The following ENTPD6 variants were observed in gnomAD, a reference collection of about 807,000 sequenced individuals.
ENTPD6 encodes CD39 antigen-like 2.
Under a neutral mutation model 61.5 loss-of-function variants are expected in ENTPD6, and 46 were observed. That is an observed-to-expected ratio of 0.75 (90% CI 0.59 to 0.96). The LOEUF (loss-of-function observed/expected upper bound fraction) is 0.96, where lower values mean the gene tolerates loss of function less well. ENTPD6 is among the 40% of genes least tolerant of loss of function. ENTPD6 has a pLI of 0.00. For synonymous variants in ENTPD6, 252 were observed against 255.5 expected, an observed-to-expected ratio of 0.99 and a Z score of 0.13; for missense variants, 612 against 629.0, an observed-to-expected ratio of 0.97 and a Z score of 0.29.
At chr20:25,209,759 C>A in intron 3 of ENTPD6, 90 bp from the exon 4 acceptor site, 1 of 1,127,772 alleles carries the variant, frequency 8.9e-7, no homozygotes, top group Non-Finnish European at 1.3e-6. Flanking sequence ...GTGTTAGTGT[C>A]TGTCTTTAAA....
chr20:25,207,202 A>G lies in ENTPD6; in HGVS notation c.181A>G (p.Lys61Glu). The G allele has an allele frequency of 1.2e-6, 2 of 1,614,070 alleles. No homozygotes were observed. Among genetic ancestry groups the G allele is most frequent in the Non-Finnish European group, 1.7e-6 (2 of 1,180,000 alleles). Residue 61 changes from lysine (K) to glutamate (E), a missense_variant, in exon 3 of 15, where the codon AAG becomes GAG. Transcript: ENST00000376652. ...VGVFIYVAYI[K>E]WHRATATQAF... is the part of the protein sequence containing the mutation. ...CGTGTTCATCTATGTTGCCTACATC[A>G]AGTGGCACCGGGCCACCGCCACCCA...
Position 25,214,511 on chromosome 20 carries a change from A to T in ENTPD6, c.598-356A>T, listed in dbSNP as rs537589384. ...AGCCCCCAGAGCCCTTCTAAGCCCC[A>T]GCGGGCTTAGGACAGGGTCTCCAGG... On this transcript the variant is annotated intron_variant, in intron 5 of 14. Transcript: ENST00000376652. Among the ~76,000 whole-genome samples the T allele has an allele frequency of 2.6e-5, 4 of 152,264 alleles. No homozygotes were observed. In the East Asian group the frequency reaches 7.7e-4, roughly 29 times the overall value.
At chr20:25,217,774 A>G (rs1009940554) in intron 9 of ENTPD6, among the ~76,000 whole-genome samples, 193 bp downstream of exon 9, 10 of 148,666 alleles carry the variant, frequency 6.7e-5, no homozygotes, top group Admixed American at 2.7e-4. Context: ...TAATGTGTCT[A>G]CAGTATACGC....
intron 4 of ENTPD6, among the ~76,000 whole-genome samples, chr20:25,210,344 GAA>G (rs1302113100): frequency 6.7e-6 from 1 of 149,480 alleles, no homozygotes; most frequent in South Asian, 2.1e-4. Context: ...AACATTGACT[GAA>G]AAAAAAAAAT....
rs76877218 is a variant in ENTPD6 at position 25,200,987 on chromosome 20, A to G, written c.-16+5120A>G. Among the ~76,000 whole-genome samples, 28 of 152,282 alleles carry G rather than the reference A, an allele frequency of 1.8e-4. No individual in the cohort carries two copies. In the East Asian group the frequency reaches 2.3e-3, roughly 13 times the overall value. ...ATTGGCACTGTTTTTGCTGCATCCCATAAGTTTTGGAAGGTTGTGTTTTTG... is the reference window on the plus strand; with the variant it reads ...ATTGGCACTGTTTTTGCTGCATCCCGTAAGTTTTGGAAGGTTGTGTTTTTG... On this transcript the variant is annotated intron_variant, in intron 1 of 14. Coordinates refer to ENST00000376652, the MANE Select transcript of ENTPD6 (RefSeq NM_001247.5).
At position 25,218,625 on chromosome 20, in the gene ENTPD6, A is replaced by G. The variant is rs1280114191; in HGVS notation, c.943+11A>G. ...TGGAGGGGCAGCCTGGTGAGTGGAC[A>G]TGTTGCCCCGGGCCCACTTTCACAG... On this transcript the variant is annotated intron_variant, in intron 10 of 14. Coordinates refer to ENST00000376652, the MANE Select transcript of ENTPD6 (RefSeq NM_001247.5). 2 of 1,595,596 alleles carry G rather than the reference A, an allele frequency of 1.3e-6. No homozygotes were observed. Among genetic ancestry groups the G allele is most frequent in the Admixed American group, 1.7e-5 (1 of 58,252 alleles).
chr20:25,224,646 GA>G (rs140490605), intron 13 of ENTPD6: 2,198 of 157,376 alleles, frequency 0.014, 22 homozygotes, highest in Middle Eastern at 0.032. Flanking sequence ...TGGGTCCAAA[GA>G]GCTCAAATTT....
intron 12 of ENTPD6, among the ~76,000 whole-genome samples, chr20:25,223,513 A>G (rs1281971072): frequency 2.0e-5 from 3 of 152,108 alleles, no homozygotes; most frequent in Non-Finnish European, 4.4e-5. Flanking sequence ...ATCAGAATGT[A>G]TGGCCTGTGG....
intron 11 of ENTPD6, 100 bp from the exon 12 acceptor site, chr20:25,222,738 A>G: frequency 6.7e-7 from 1 of 1,497,976 alleles, no homozygotes; most frequent in Non-Finnish European, 9.0e-7. Flanking sequence ...TTTCCTGACA[A>G]TTCAGGTCAG....
intron 6 of ENTPD6, among the ~76,000 whole-genome samples, chr20:25,215,452 A>C (rs2092260751): frequency 6.6e-6 from 1 of 152,114 alleles, no homozygotes. Context: ...GCATTTGGTG[A>C]AGTACTTTAG....
chr20:25,208,926 A>T (rs539286036), intron 3 of ENTPD6, among the ~76,000 whole-genome samples: 37 of 151,340 alleles, frequency 2.4e-4, no homozygotes, highest in East Asian at 1.7e-3. Flanking sequence ...TTTTATTTTT[A>T]TTTTTTTTGA....
intron 4 of ENTPD6, among the ~76,000 whole-genome samples, chr20:25,210,917 G>A (rs1015927396): frequency 2.6e-5 from 4 of 152,186 alleles, no homozygotes; most frequent in African/African-American, 7.2e-5. Flanking sequence ...ACTCCAGCCT[G>A]GGGGACAGAG....
At chr20:25,213,118 GT>G in intron 4 of ENTPD6, 144 bp from the exon 5 acceptor site, 1 of 851,486 alleles carries the variant, frequency 1.2e-6, no homozygotes, top group East Asian at 2.6e-5. Context: ...CAAATGAGCT[GT>G]GATCAAGCCA....
At chr20:25,199,742 T>A (rs1327619082) in intron 1 of ENTPD6, among the ~76,000 whole-genome samples, 1 of 152,200 alleles carries the variant, frequency 6.6e-6, no homozygotes, top group Non-Finnish European at 1.5e-5. Flanking sequence ...TTTGTCTTTT[T>A]GTGACTGGCT....
At chr20:25,216,018 C>T (rs765613149) in intron 7 of ENTPD6, among the ~76,000 whole-genome samples, 3 of 152,146 alleles carry the variant, frequency 2.0e-5, no homozygotes, top group Non-Finnish European at 2.9e-5. Context: ...AGAGAAGTAA[C>T]GAATCAAACC....
intron 5 of ENTPD6, chr20:25,214,604 CT>C (rs2092205442): frequency 2.2e-6 from 1 of 451,656 alleles, no homozygotes; most frequent in African/African-American, 2.0e-5. Flanking sequence ...CCTGAACACA[CT>C]CACAGAACAT....
intron 10 of ENTPD6, among the ~76,000 whole-genome samples, chr20:25,219,406 T>C (rs920906942): frequency 6.6e-6 from 1 of 152,160 alleles, no homozygotes; most frequent in African/African-American, 2.4e-5. Context: ...TGCAAGAACA[T>C]CCCTCCTCCC....
chr20:25,196,999 T>C (rs2090504399), intron 1 of ENTPD6: 1 of 704,738 alleles, frequency 1.4e-6, no homozygotes, highest in South Asian at 6.4e-5. Context: ...GCAGGTGGTG[T>C]TGACGGGCGG....
chr20:25,213,881 T>C (rs1021198569), intron 5 of ENTPD6, among the ~76,000 whole-genome samples: 1 of 152,008 alleles, frequency 6.6e-6, no homozygotes, highest in African/African-American at 2.4e-5. Flanking sequence ...GCCCAGGAGG[T>C]CAAAGCTGCA....
Sources: gnomAD v4.1 joint callset for allele counts (sites outside exome capture counted in the v4.1 genomes callset) on GRCh38, gnomAD v4.1.1 for gene constraint, MANE v1.5 for transcripts, NCBI Gene and HGNC (gene_info 2026-07-23, HGNC 2026-07-21) for gene names.